Variants in LTBP1 observed in about 807,000 individuals in gnomAD.
The protein encoded by LTBP1 is latent-transforming growth factor beta-binding protein 1.
Under a neutral mutation model 207.6 loss-of-function variants are expected in LTBP1, and 129 were observed. The observed-to-expected ratio is 0.62, with a 90% CI of 0.54 to 0.72. The LOEUF is 0.72. Ranked by LOEUF, LTBP1 falls within the 30% of genes least tolerant of loss-of-function variation. LTBP1 has a pLI of 0.00. For synonymous variants in LTBP1, 963 were observed against 833.7 expected, an observed-to-expected ratio of 1.16 and a Z score of -2.67; for missense variants, 2,281 against 2,217.2, an observed-to-expected ratio of 1.03 and a Z score of -0.58.
chr2:33,275,923 G>A lies in LTBP1; in HGVS notation c.2992G>A (p.Asp998Asn), dbSNP rs2093417158. 2 of 1,583,712 alleles carry A rather than the reference G, an allele frequency of 1.3e-6. No individual in the cohort carries two copies. Among genetic ancestry groups the A allele is most frequent in the South Asian group, 2.4e-5 (2 of 84,676 alleles). ...CATGACTCAGAGAGGCCGTTGTGAG[G>A]GTGAGTCAGCTGAGAGTGTTCAGCA... ...YRMTQRGRCE[D>N]IDECLNPSTC... The change falls in exon 18 of 34, where the codon GAT (aspartate) becomes AAT (asparagine). Residue 998 changes from aspartate (D) to asparagine (N), a missense_variant and splice_region_variant. Transcript: ENST00000404816.
chr2:33,249,447 C>A (rs1432412593), intron 10 of LTBP1, among the ~76,000 whole-genome samples: 1 of 151,672 alleles, frequency 6.6e-6, no homozygotes, highest in Non-Finnish European at 1.5e-5. Context: ...ATTATACAAT[C>A]CTATAATTAA....
chr2:32,947,868 C>T (rs7590984), intron 1 of LTBP1, 50 bp downstream of exon 1: 1 of 1,269,648 alleles, frequency 7.9e-7, no homozygotes, highest in Non-Finnish European at 1.0e-6. Context: ...GCGCACCGCC[C>T]GCGGAGGGAC....
intron 1 of LTBP1, 46 bp downstream of exon 1, chr2:32,947,864 C>A (rs984758412): frequency 2.4e-6 from 3 of 1,272,088 alleles, no homozygotes; most frequent in South Asian, 2.9e-5. Flanking sequence ...TCGCGCGCAC[C>A]GCCCGCGGAG....
intron 26 of LTBP1, among the ~76,000 whole-genome samples, chr2:33,354,377 A>G (rs968354581): frequency 2.0e-5 from 3 of 152,154 alleles, no homozygotes; most frequent in Admixed American, 2.0e-4. Flanking sequence ...TATAATGCAA[A>G]TATTGTAAAA....
In LTBP1 at chr2:32,967,124, T is replaced by A. The variant is rs1042282491; in HGVS notation, c.565+18179T>A. Among the ~76,000 whole-genome samples, 4 of 152,142 alleles carry A rather than the reference T, an allele frequency of 2.6e-5. No individual in the cohort carries two copies. In the East Asian group the frequency reaches 5.8e-4, roughly 22 times the overall value. On this transcript the variant is annotated intron_variant, in intron 2 of 33. Transcript: ENST00000404816. ...TTTGTGGGCATAGAATTCATAATATTCCTTTATTATTCCTTTAACGTTCAT... is the reference window on the plus strand; with the variant it reads ...TTTGTGGGCATAGAATTCATAATATACCTTTATTATTCCTTTAACGTTCAT...
chr2:33,294,287 C>G (rs1204538760), intron 20 of LTBP1, among the ~76,000 whole-genome samples: 2 of 151,676 alleles, frequency 1.3e-5, no homozygotes, highest in Non-Finnish European at 1.5e-5. Context: ...ACCCCTGCCT[C>G]CTGGGTTCTA....
intron 31 of LTBP1, among the ~76,000 whole-genome samples, chr2:33,382,777 C>G (rs2095230872): frequency 6.6e-6 from 1 of 152,222 alleles, no homozygotes; most frequent in South Asian, 2.1e-4. Flanking sequence ...GAACCCAAGT[C>G]TTTGGATTCC....
At chr2:32,984,057 T>C (rs1312431372) in intron 2 of LTBP1, among the ~76,000 whole-genome samples, 1 of 152,238 alleles carries the variant, frequency 6.6e-6, no homozygotes, top group African/African-American at 2.4e-5. Context: ...GATGACACTG[T>C]ACATTTGTAA....
intron 7 of LTBP1, among the ~76,000 whole-genome samples, chr2:33,215,677 C>T (rs547824839): frequency 6.6e-6 from 1 of 151,750 alleles, no homozygotes; most frequent in East Asian, 1.9e-4. Flanking sequence ...TGCTCACTAG[C>T]CTGGGGTATG....
chr2:33,033,658 A>G (rs1181308825), intron 3 of LTBP1, among the ~76,000 whole-genome samples: 1 of 151,756 alleles, frequency 6.6e-6, no homozygotes, highest in Non-Finnish European at 1.5e-5. Context: ...AGAAACAGCA[A>G]TCTGAAAGCT....
intron 3 of LTBP1, among the ~76,000 whole-genome samples, chr2:33,108,489 GA>G (rs2080193903): frequency 6.6e-6 from 1 of 151,978 alleles, no homozygotes; most frequent in Non-Finnish European, 1.5e-5. Context: ...TACATTCAGG[GA>G]AAAAGGGCCC....
chr2:33,099,928 T>A (rs2079622194), intron 3 of LTBP1, among the ~76,000 whole-genome samples: 1 of 152,164 alleles, frequency 6.6e-6, no homozygotes, highest in African/African-American at 2.4e-5. Flanking sequence ...GGGGAATAGA[T>A]AAAATTAGCA....
At chr2:33,325,046 A>G (rs1238802966) in intron 24 of LTBP1, among the ~76,000 whole-genome samples, 1 of 152,206 alleles carries the variant, frequency 6.6e-6, no homozygotes, top group African/African-American at 2.4e-5. Flanking sequence ...CATATAGAAT[A>G]TAGTGTAGTA....
At chr2:33,000,293 T>C (rs11899433) in intron 2 of LTBP1, among the ~76,000 whole-genome samples, 14,008 of 134,084 alleles carry the variant, frequency 0.1, 3,338 homozygotes, top group South Asian at 0.28. Context: ...AAGCCTACCC[T>C]TAGAATGACC....
chr2:33,225,649 A>G (rs1381477947), intron 9 of LTBP1, among the ~76,000 whole-genome samples: 6 of 152,222 alleles, frequency 3.9e-5, no homozygotes, highest in African/African-American at 1.4e-4. Flanking sequence ...GTGGGAATTC[A>G]AGATGAGATT....
chr2:33,263,884 C>T lies in LTBP1; in HGVS notation c.2617+492C>T, dbSNP rs1011345620. ...AGGGGAGTCGCTTGAACCCAGGAGG[C>T]GGAGATCGCAGTGAGCCAAGATCAC... On this transcript the variant is annotated intron_variant, in intron 15 of 33. Transcript: ENST00000404816. Among the ~76,000 whole-genome samples, 280 of 147,676 alleles carry T rather than the reference C, an allele frequency of 1.9e-3. 3 individuals carry two copies. Among genetic ancestry groups the T allele is most frequent in the African/African-American group, 3.1e-3 (122 of 39,738 alleles).
chr2:33,386,826 C>CTTTTTTT (rs1009498572), intron 31 of LTBP1, among the ~76,000 whole-genome samples: 3 of 119,346 alleles, frequency 2.5e-5, no homozygotes, highest in Non-Finnish European at 3.4e-5. Context: ...GAGCAAGACC[C>CTTTTTTT]TTTTTTTTTT....
intron 3 of LTBP1, among the ~76,000 whole-genome samples, chr2:33,034,247 A>G (rs1335509241): frequency 6.6e-6 from 1 of 152,158 alleles, no homozygotes; most frequent in Non-Finnish European, 1.5e-5. Context: ...AAAAAAGGCT[A>G]AAATGCATTT....
chr2:33,066,446 A>G (rs1046950631), intron 3 of LTBP1, among the ~76,000 whole-genome samples: 1 of 152,212 alleles, frequency 6.6e-6, no homozygotes, highest in Non-Finnish European at 1.5e-5. Flanking sequence ...GTATTAACTT[A>G]CAGTGACTTT....
Sources: gnomAD v4.1 joint callset for allele counts (sites outside exome capture counted in the v4.1 genomes callset) on GRCh38, gnomAD v4.1.1 for gene constraint, MANE v1.5 for transcripts, NCBI Gene and HGNC (gene_info 2026-07-23, HGNC 2026-07-21) for gene names.